ANKRD44: variants seen among roughly 807,000 people sequenced by gnomAD.
The protein encoded by ANKRD44 is serine/threonine-protein phosphatase 6 regulatory ankyrin repeat subunit B.
In ANKRD44, 35 loss-of-function variants were observed where a neutral mutation model predicts 116.0. That is an observed-to-expected ratio of 0.30 (90% CI 0.23 to 0.40). The LOEUF is 0.40. Ranked by LOEUF, ANKRD44 falls within the 10% of genes least tolerant of loss-of-function variation. ANKRD44 has a pLI of 1.00. For missense variants in ANKRD44, 1,014 were observed against 1,242.6 expected (o/e 0.82, Z 2.77); for synonymous variants, 435 against 461.8 (o/e 0.94, Z 0.74).
chr2:197,219,231 C>T (rs1158279168), intron 1 of ANKRD44, among the ~76,000 whole-genome samples: 1 of 151,648 alleles, frequency 6.6e-6, no homozygotes, highest in Non-Finnish European at 1.5e-5. Flanking sequence ...CACCACATCC[C>T]GCTAATTTTT....
intron 16 of ANKRD44, among the ~76,000 whole-genome samples, chr2:197,068,006 A>G (rs1419912749): frequency 6.7e-6 from 1 of 149,298 alleles, no homozygotes; most frequent in East Asian, 2.0e-4. Flanking sequence ...TGTGGCACAT[A>G]TACACCATGG....
intron 21 of ANKRD44, among the ~76,000 whole-genome samples, chr2:196,979,382 C>CAAAAA (rs778459937): frequency 9.1e-4 from 37 of 40,532 alleles, no homozygotes; most frequent in African/African-American, 1.2e-3. Flanking sequence ...GACTCCGTCT[C>CAAAAA]AAAAAAAAAA....
intron 10 of ANKRD44, among the ~76,000 whole-genome samples, chr2:197,090,371 T>C (rs936683461): frequency 1.3e-5 from 2 of 152,226 alleles, no homozygotes; most frequent in Non-Finnish European, 2.9e-5. Context: ...TCTCATTCTC[T>C]CATTCATCTA....
chr2:197,062,412 G>T (rs2077334939), intron 16 of ANKRD44, among the ~76,000 whole-genome samples: 1 of 152,140 alleles, frequency 6.6e-6, no homozygotes, highest in Non-Finnish European at 1.5e-5. Context: ...CAATTTCTTT[G>T]ATTTTAATTC....
At chr2:197,154,952 A>C (rs954016929) in intron 2 of ANKRD44, among the ~76,000 whole-genome samples, 2 of 152,206 alleles carry the variant, frequency 1.3e-5, no homozygotes, top group Non-Finnish European at 2.9e-5. Flanking sequence ...TATATTTTCT[A>C]TCTCTAAACA....
chr2:197,164,446 C>A (rs753872682), intron 2 of ANKRD44, among the ~76,000 whole-genome samples: 33 of 152,210 alleles, frequency 2.2e-4, no homozygotes, highest in Non-Finnish European at 4.0e-4. Flanking sequence ...GGCGGCCACA[C>A]TGTGGGGTCG....
intron 1 of ANKRD44, among the ~76,000 whole-genome samples, chr2:197,195,845 A>G (rs569378345): frequency 6.6e-6 from 1 of 152,370 alleles, no homozygotes; most frequent in African/African-American, 2.4e-5. Flanking sequence ...GCCAAGTGCC[A>G]TATTTCTATC....
chr2:197,191,961 A>C (rs987170743), intron 1 of ANKRD44, among the ~76,000 whole-genome samples: 19 of 152,130 alleles, frequency 1.2e-4, no homozygotes, highest in African/African-American at 4.3e-4. Context: ...CAATTCCATG[A>C]AAAAAATATG....
chr2:197,163,867 A>G (rs1018540036), intron 2 of ANKRD44, among the ~76,000 whole-genome samples: 1 of 152,162 alleles, frequency 6.6e-6, no homozygotes, highest in Admixed American at 6.5e-5. Context: ...ACTTCAGGTA[A>G]TCCGCCCGCC....
At chr2:197,051,808 G>A (rs1272729075) in intron 16 of ANKRD44, among the ~76,000 whole-genome samples, 3 of 152,102 alleles carry the variant, frequency 2.0e-5, no homozygotes, top group South Asian at 2.1e-4. Context: ...GAGTAAAAAC[G>A]TTAAGTGGGG....
At chr2:197,099,765 C>G in intron 10 of ANKRD44, 51 bp downstream of exon 10, 1 of 1,606,028 alleles carries the variant, frequency 6.2e-7, no homozygotes, top group Non-Finnish European at 8.5e-7. Context: ...ATCTTTTTGG[C>G]AGTATTCCCA....
At chr2:197,156,063 CG>C (rs888137723) in intron 2 of ANKRD44, among the ~76,000 whole-genome samples, 4 of 152,000 alleles carry the variant, frequency 2.6e-5, no homozygotes, top group African/African-American at 9.7e-5. Context: ...CAATGCTCAC[CG>C]GGCCGGGCGT....
intron 1 of ANKRD44, among the ~76,000 whole-genome samples, chr2:197,221,250 C>CA (rs71395676): frequency 0.19 from 25,049 of 131,220 alleles, 2,970 homozygotes; most frequent in African/African-American, 0.37. Context: ...GACTCCATCT[C>CA]AAAAAAAAAA....
intron 8 of ANKRD44, among the ~76,000 whole-genome samples, chr2:197,114,384 T>C (rs1324650784): frequency 4.6e-5 from 7 of 152,220 alleles, no homozygotes; most frequent in South Asian, 2.1e-4. Flanking sequence ...AGCACTTCTA[T>C]TGAGTTAGGC....
intron 4 of ANKRD44, chr2:197,136,311 G>C: frequency 4.5e-6 from 2 of 442,388 alleles, no homozygotes; most frequent in Non-Finnish European, 8.2e-6. Flanking sequence ...TGATGATATT[G>C]TAATGATATG....
At chr2:197,192,892 T>G (rs1486625945) in intron 1 of ANKRD44, among the ~76,000 whole-genome samples, 2 of 152,186 alleles carry the variant, frequency 1.3e-5, no homozygotes, top group African/African-American at 4.8e-5. Context: ...TAAATACATT[T>G]TTTAAAAAAT....
chr2:197,082,909 C>T (rs1470210142), intron 14 of ANKRD44, among the ~76,000 whole-genome samples: 1 of 152,194 alleles, frequency 6.6e-6, no homozygotes. Context: ...CCTGAAAGGG[C>T]ATTCATACCC....
intron 1 of ANKRD44, among the ~76,000 whole-genome samples, chr2:197,247,134 C>T (rs1412413411): frequency 6.6e-6 from 1 of 152,158 alleles, no homozygotes. Context: ...TTATTTCATT[C>T]AAGCATGGTC....
chr2:197,019,525 T>C (rs2076455395), intron 17 of ANKRD44, among the ~76,000 whole-genome samples: 1 of 152,202 alleles, frequency 6.6e-6, no homozygotes, highest in Non-Finnish European at 1.5e-5. Flanking sequence ...GCAGAGATGA[T>C]AACCAGCTCT....
Sources: allele counts gnomAD v4.1 joint callset (sites outside exome capture counted in the v4.1 genomes callset), GRCh38; gene constraint gnomAD v4.1.1; transcripts MANE v1.5; gene names NCBI Gene and HGNC (gene_info 2026-07-23, HGNC 2026-07-21).